Variants in ESS2 observed in about 807,000 individuals in gnomAD.
ESS2 encodes the protein ess-2 spliceosome associated protein.
A neutral mutation model predicts 52.0 loss-of-function variants in ESS2; 31 were observed. That is an observed-to-expected ratio of 0.60 (90% CI 0.45 to 0.81). ESS2 has a LOEUF of 0.81. Ranked by LOEUF, ESS2 falls within the 30% of genes least tolerant of loss-of-function variation. The pLI is 0.00. For missense variants in ESS2, 602 were observed against 637.2 expected (o/e 0.94, Z 0.59); for synonymous variants, 285 against 259.2 (o/e 1.10, Z -0.95).
chr22:19,132,033 G>A lies in ESS2; in HGVS notation c.*2163C>T, dbSNP rs1252180629. The A allele has an allele frequency of 3.1e-6, 5 of 1,614,058 alleles. No homozygotes were observed. The highest frequency in any genetic ancestry group is 2.2e-5 in the South Asian group (2 of 91,080). On this transcript the variant is annotated 3_prime_UTR_variant, in exon 10 of 10. Coordinates refer to ENST00000252137, the MANE Select transcript of ESS2 (RefSeq NM_022719.3). The surrounding 1 kb of genome is among the most constrained non-coding windows in gnomAD (Gnocchi z 4.2). ...CGTGATCCTGTACATCATGGTCTGC[G>A]GCTCCATGCCCTATGACGACTCCGA... is the stretch of plus-strand genomic sequence containing the variant.
rs2146088418 is a variant in ESS2 at position 19,134,076 on chromosome 22, T to G, written c.*120A>C. The G allele has an allele frequency of 8.1e-7, 1 of 1,232,064 alleles. No individual in the cohort carries two copies. The highest frequency in any genetic ancestry group is 2.2e-5 in the South Asian group (1 of 45,098). The allele number at this position is 1,232,064 out of a possible 1,614,324, so 76.3% of individuals were successfully genotyped here. On this transcript the variant is annotated 3_prime_UTR_variant, in exon 10 of 10. Coordinates refer to ENST00000252137, the MANE Select transcript of ESS2 (RefSeq NM_022719.3). ...CACAGCCCCTTTCTCCAGTGACTCC[T>G]GGTATGGTCAACAGCTTCTGGCCCA...
rs890468074 is a variant in ESS2, at chr22:19,134,175, G to A, written c.*21C>T. The A allele has an allele frequency of 3.4e-6, 5 of 1,491,822 alleles. No homozygotes were observed. Among genetic ancestry groups the A allele is most frequent in the Admixed American group, 2.4e-5 (1 of 42,422 alleles). 92.4% of individuals were successfully genotyped at this position (1,491,822 alleles called of 1,614,324 possible). ...CCTGCAGGCTCTGTGAAGCGTCTAT[G>A]AGCCCAGCCCAGGCCTGGCTCTAAA... On this transcript the variant is annotated 3_prime_UTR_variant, in exon 10 of 10. Transcript: ENST00000252137.
intron 9 of ESS2, 27 bp from the exon 10 acceptor site, chr22:19,134,502 G>A: frequency 6.6e-7 from 1 of 1,505,196 alleles, no homozygotes; most frequent in Non-Finnish European, 8.9e-7. Flanking sequence ...GGTGAGAGAG[G>A]CAGGGTTAGG....
rs35532431 is a variant in ESS2 at position 19,131,580 on chromosome 22, A to G, written c.*2616T>C. The G allele has an allele frequency of 1.5e-5, 25 of 1,613,966 alleles. No individual in the cohort carries two copies. The East Asian group carries it at 4.5e-4, about 29-fold the overall frequency. On this transcript the variant is annotated 3_prime_UTR_variant, in exon 10 of 10. Coordinates refer to ENST00000252137, the MANE Select transcript of ESS2 (RefSeq NM_022719.3). The surrounding 1 kb of genome is among the most constrained non-coding windows in gnomAD (Gnocchi z 5.7). ...TGTGGAGAGATTCCTTCCTCGGGAG[A>G]TGGACATCCTGGCAACTGTCAACCA...
In ESS2 at chr22:19,137,346, T is replaced by A; in HGVS notation, c.1012A>T (p.Arg338Trp). The change falls in exon 8 of 10, where the codon AGG becomes TGG. Residue 338 changes from arginine (R) to tryptophan (W), a missense_variant. By Grantham distance (101) the Arg-to-Trp change is moderately radical (BLOSUM62 -3). Transcript: ENST00000252137. ...ACCTTAAAAGCTGGGCCGGGTGTCCTGTCCACGTAGGGCGTTTCCGACCCT... is the reference window on the plus strand; with the variant it reads ...ACCTTAAAAGCTGGGCCGGGTGTCCAGTCCACGTAGGGCGTTTCCGACCCT... ...VEGSETPYVD[R>W]TPGPAFKILE... is the part of the protein sequence containing the mutation. The A allele has an allele frequency of 6.2e-7, 1 of 1,613,672 alleles. No homozygotes were observed. Among genetic ancestry groups the A allele is most frequent in the Non-Finnish European group, 8.5e-7 (1 of 1,179,754 alleles).
intron 9 of ESS2, 64 bp downstream of exon 9, chr22:19,134,996 G>C: frequency 6.7e-7 from 1 of 1,503,430 alleles, no homozygotes; most frequent in East Asian, 2.3e-5. Context: ...GGTCAGGGCA[G>C]GGGCCGAACA....
At chr22:19,143,955 G>T in intron 1 of ESS2, 1 of 783,416 alleles carries the variant, frequency 1.3e-6, no homozygotes, top group Non-Finnish European at 1.5e-6. Flanking sequence ...GCCAGACCTT[G>T]CTCCCGAGCT....
At chr22:19,138,120 G>C (rs1948900760) in intron 7 of ESS2, 95 bp downstream of exon 7, 1 of 1,580,016 alleles carries the variant, frequency 6.3e-7, no homozygotes, top group Admixed American at 1.8e-5. Context: ...GGGCAGGCCA[G>C]GTAGAGGCCA....
intron 1 of ESS2, among the ~76,000 whole-genome samples, chr22:19,143,706 A>G (rs1392589691): frequency 6.6e-6 from 1 of 152,094 alleles, no homozygotes. Context: ...AAATACAAAA[A>G]TTAGCCGGGC....
At chr22:19,139,575 A>C (rs2083646395) in intron 5 of ESS2, 37 bp downstream of exon 5, 1 of 1,579,466 alleles carries the variant, frequency 6.3e-7, no homozygotes, top group African/African-American at 1.3e-5. Flanking sequence ...AGCTCTACCC[A>C]ACACCTCCCC....
Position 19,138,314 on chromosome 22 carries a change from T to G in ESS2, c.826A>C (p.Lys276Gln), listed in dbSNP as rs1190601531. 1.2e-6 allele frequency: 2 copies of G among 1,613,666 alleles called. No individual in the cohort carries two copies. Among genetic ancestry groups the G allele is most frequent in the African/African-American group, 2.7e-5 (2 of 74,924 alleles). ...CCATCGGGGCCCACCTTGCCCTGTT[T>G]GTGCTGGAACAAGCAGAGAGGCTGG... ...QQAAALNAQH[K>Q]QGKVGPDGKE... is the part of the protein sequence containing the mutation. The change falls in exon 7 of 10, where the codon AAA (lysine) becomes CAA (glutamine). Residue 276 changes from lysine (K) to glutamine (Q), a missense_variant. Lys to Gln is a moderately conservative substitution (Grantham distance 53). Coordinates refer to ENST00000252137, the MANE Select transcript of ESS2 (RefSeq NM_022719.3).
rs2083655829 is a variant in ESS2, at chr22:19,139,956, T to C, written c.469A>G (p.Ser157Gly). 6.2e-7 allele frequency: 1 copy of C among 1,614,018 alleles called. No individual in the cohort carries two copies. The highest frequency in any genetic ancestry group is 1.7e-5 in the Admixed American group (1 of 60,010). ...TCCTGGAAGGAGGCATTGTCCTCACTCGTGTAGCGGCTCAGGAAGACATCT... is the reference window on the plus strand; with the variant it reads ...TCCTGGAAGGAGGCATTGTCCTCACCCGTGTAGCGGCTCAGGAAGACATCT... ...SLDVFLSRYT[S>G]EDNASFQEIM... is the part of the protein sequence containing the mutation. The change falls in exon 4 of 10, where the codon AGT (serine) becomes GGT (glycine). Residue 157 changes from serine (S) to glycine (G), a missense_variant. Transcript: ENST00000252137.
chr22:19,144,314 C>T (rs2083746832), intron 1 of ESS2, 192 bp downstream of exon 1: 1 of 1,362,360 alleles, frequency 7.3e-7, no homozygotes, highest in South Asian at 1.7e-5. Context: ...TTTTCCCTGA[C>T]AACACTACTA....
chr22:19,140,451 C>G (rs987990026), intron 3 of ESS2, among the ~76,000 whole-genome samples: 2 of 151,868 alleles, frequency 1.3e-5, no homozygotes, highest in African/African-American at 2.4e-5. Context: ...ACCTTACCCA[C>G]TCTTCTCTTC....
chr22:19,142,692 T>A (rs750533759), intron 2 of ESS2, 34 bp downstream of exon 2: 1 of 1,610,564 alleles, frequency 6.2e-7, no homozygotes, highest in Non-Finnish European at 8.5e-7. Flanking sequence ...TTCAGCAGGC[T>A]TTCCCCTCTC....
chr22:19,132,351 A>T lies in ESS2; in HGVS notation c.*1845T>A. On this transcript the variant is annotated 3_prime_UTR_variant, in exon 10 of 10. Coordinates refer to ENST00000252137, the MANE Select transcript of ESS2 (RefSeq NM_022719.3). This position sits in a 1 kb window ranked among gnomAD's most constrained non-coding sequence, Gnocchi z 4.2. Reference sequence around the variant, plus strand: ...CCGGCCCGACCACAAGCTTGGAGCCAAAACCCAGCACCGGCTGCTGGTGGT... The same window carrying T: ...CCGGCCCGACCACAAGCTTGGAGCCTAAACCCAGCACCGGCTGCTGGTGGT... The T allele has an allele frequency of 6.2e-7, 1 of 1,613,178 alleles. No individual in the cohort carries two copies. The highest frequency in any genetic ancestry group is 8.5e-7 in the Non-Finnish European group (1 of 1,180,016).
At position 19,132,421 on chromosome 22, in the gene ESS2, C is replaced by A. The variant is rs781106529; in HGVS notation, c.*1775G>T. 1.9e-5 allele frequency: 30 copies of A among 1,612,700 alleles called. No individual in the cohort carries two copies. Among genetic ancestry groups the A allele is most frequent in the African/African-American group, 2.7e-5 (2 of 74,878 alleles). On this transcript the variant is annotated 3_prime_UTR_variant, in exon 10 of 10. Coordinates refer to ENST00000252137, the MANE Select transcript of ESS2 (RefSeq NM_022719.3). This position sits in a 1 kb window ranked among gnomAD's most constrained non-coding sequence, Gnocchi z 4.2. ...ATGGAGGACAGGCTGGCCGAGACCTCCAGGGCCAAAGACCATCACATCTCC... is the reference window on the plus strand; with the variant it reads ...ATGGAGGACAGGCTGGCCGAGACCTACAGGGCCAAAGACCATCACATCTCC...
intron 6 of ESS2, 165 bp from the exon 7 acceptor site, chr22:19,138,482 G>GC (rs757107039): frequency 3.3e-5 from 25 of 751,944 alleles, no homozygotes; most frequent in Admixed American, 2.0e-5. Flanking sequence ...GAGGGCCCCT[G>GC]CCCCAACCCC....
rs764275578 is a variant in ESS2, at chr22:19,139,603, G to A, written c.688+9C>T. On this transcript the variant is annotated intron_variant, in intron 5 of 9. Transcript: ENST00000252137. ...ACCTCCCCATTTGGCTGCGAGGCCC[G>A]CCACTTACCCTCTGGATAGTACATG... 2.4e-5 allele frequency: 39 copies of A among 1,611,480 alleles called. No homozygotes were observed. Among genetic ancestry groups the A allele is most frequent in the Non-Finnish European group, 2.9e-5 (34 of 1,177,724 alleles).
Sources: gnomAD v4.1 joint callset for allele counts (sites outside exome capture counted in the v4.1 genomes callset) on GRCh38, gnomAD v4.1.1 for gene constraint, Gnocchi (gnomAD v3.1) non-coding constraint, MANE v1.5 for transcripts, NCBI Gene and HGNC (gene_info 2026-07-23, HGNC 2026-07-21) for gene names.